ARHGAP35: variants seen among roughly 807,000 people sequenced by gnomAD.
The protein encoded by ARHGAP35 is Rho GTPase activating protein 35.
A neutral mutation model predicts 111.1 loss-of-function variants in ARHGAP35; 15 were observed. The observed-to-expected ratio is 0.13, with a 90% CI of 0.09 to 0.21. ARHGAP35 has a LOEUF of 0.21. Ranked by LOEUF, ARHGAP35 falls within the 10% of genes least tolerant of loss-of-function variation. The pLI is 1.00. For missense variants in ARHGAP35, 1,262 were observed against 1,873.0 expected, an observed-to-expected ratio of 0.67 and a Z score of 6.02; for synonymous variants, 643 against 710.3, an observed-to-expected ratio of 0.91 and a Z score of 1.51.
chr19:46,981,825 G>GTGTTTTGTTTTGTTTTGTTT (rs55887324), intron 3 of ARHGAP35, among the ~76,000 whole-genome samples: 2 of 147,294 alleles, frequency 1.4e-5, no homozygotes, highest in African/African-American at 2.5e-5. Context: ...GTATTTTTTG[G>GTGTTTTGTTTTGTTTTGTTT]TGTTTTGTTT....
At chr19:46,951,596 G>T (rs1393938489) in intron 3 of ARHGAP35, among the ~76,000 whole-genome samples, 1 of 152,096 alleles carries the variant, frequency 6.6e-6, no homozygotes, top group African/African-American at 2.4e-5. Context: ...GATAATGATG[G>T]TACTTTGAGT....
intron 3 of ARHGAP35, chr19:46,948,908 A>T (rs1037348829): frequency 6.6e-6 from 1 of 152,274 alleles, no homozygotes; most frequent in Non-Finnish European, 1.5e-5. Context: ...CTGTAATCCC[A>T]AAACTTTGGG....
intron 1 of ARHGAP35, among the ~76,000 whole-genome samples, chr19:46,875,783 G>C (rs1188397269): frequency 6.6e-6 from 1 of 152,126 alleles, no homozygotes; most frequent in African/African-American, 2.4e-5. Flanking sequence ...TGCAAAGGCG[G>C]CGTGATGAAA....
At chr19:46,876,114 T>G (rs1364218598) in intron 1 of ARHGAP35, among the ~76,000 whole-genome samples, 1 of 152,128 alleles carries the variant, frequency 6.6e-6, no homozygotes, top group African/African-American at 2.4e-5. Flanking sequence ...TATAGTAGTG[T>G]TTACTCATAG....
chr19:46,921,254 C>T lies in ARHGAP35; in HGVS notation c.2579C>T (p.Ser860Leu). 1.2e-6 allele frequency: 2 copies of T among 1,613,974 alleles called. No individual in the cohort carries two copies. The highest frequency in any genetic ancestry group is 1.7e-6 in the Non-Finnish European group (2 of 1,179,894). Residue 860 changes from serine to leucine, a missense_variant, in exon 2 of 7, where the codon TCA becomes TTA. By Grantham distance (145) the Ser-to-Leu change is moderately radical. Coordinates refer to ENST00000672722, the MANE Select transcript of ARHGAP35 (RefSeq NM_004491.5). The surrounding 1 kb of genome is among the most constrained non-coding windows in gnomAD (Gnocchi z 4.3). The stretch of plus-strand genomic sequence containing the variant: ...GTTCATGGGTACATTGTTTTTTATT[C>T]AGCCAAACGTAAGGCCTCTTTGGCT... ...RLVHGYIVFY[S>L]AKRKASLAML... is the part of the protein sequence containing the mutation.
At chr19:46,884,188 G>C (rs2055980518) in intron 1 of ARHGAP35, among the ~76,000 whole-genome samples, 1 of 152,122 alleles carries the variant, frequency 6.6e-6, no homozygotes, top group Non-Finnish European at 1.5e-5. Context: ...GCTCACATCT[G>C]TAATCCCAAC....
At chr19:46,968,639 C>T (rs572650878) in intron 3 of ARHGAP35, among the ~76,000 whole-genome samples, 18 of 152,220 alleles carry the variant, frequency 1.2e-4, no homozygotes, top group Non-Finnish European at 1.8e-4. Flanking sequence ...GAATATTATT[C>T]GGCCGTAAAA....
chr19:46,883,131 G>C lies in ARHGAP35; in HGVS notation c.-189+21922G>C, dbSNP rs1451761230. Reference sequence around the variant, plus strand: ...TTTTTTTGAAACAGAGTCTCGCTCTGTTGCCCAGGTTGGAGTGTAGTGGCA... The same window carrying C: ...TTTTTTTGAAACAGAGTCTCGCTCTCTTGCCCAGGTTGGAGTGTAGTGGCA... On this transcript the variant is annotated intron_variant, in intron 1 of 6. Transcript: ENST00000672722. Among the ~76,000 whole-genome samples the C allele has an allele frequency of 2.6e-5, 4 of 151,894 alleles. No individual in the cohort carries two copies. In the South Asian group the frequency reaches 6.2e-4, roughly 24 times the overall value.
chr19:46,964,331 G>C (rs556001031), intron 3 of ARHGAP35, among the ~76,000 whole-genome samples: 1 of 151,928 alleles, frequency 6.6e-6, no homozygotes, highest in East Asian at 1.9e-4. Flanking sequence ...GCAGTGGCGT[G>C]ATCATGGCTC....
chr19:46,999,885 C>T lies in ARHGAP35; in HGVS notation c.4143-446C>T, dbSNP rs573955595. ...TGTGCTGCAGGAGACAGCCAGCCTCCGGCATGGAGCACAGCCGCAGGCGGG... is the reference window on the plus strand; with the variant it reads ...TGTGCTGCAGGAGACAGCCAGCCTCTGGCATGGAGCACAGCCGCAGGCGGG... On this transcript the variant is annotated intron_variant, in intron 6 of 6. Coordinates refer to ENST00000672722, the MANE Select transcript of ARHGAP35 (RefSeq NM_004491.5). The surrounding 1 kb of genome is among the most constrained non-coding windows in gnomAD (Gnocchi z 5.4). 30 of 215,216 alleles carry T rather than the reference C, an allele frequency of 1.4e-4. No individual in the cohort carries two copies. The highest frequency in any genetic ancestry group is 4.1e-4 in the Admixed American group (8 of 19,322). 13.3% of individuals were successfully genotyped at this position (215,216 alleles called of 1,614,324 possible).
intron 3 of ARHGAP35, among the ~76,000 whole-genome samples, chr19:46,977,560 A>G (rs2122308431): frequency 1.3e-5 from 2 of 152,294 alleles, no homozygotes; most frequent in Admixed American, 1.3e-4. Flanking sequence ...GTTACTGTGC[A>G]AGCCCAATAC....
chr19:46,958,530 ATTT>A (rs1260197428), intron 3 of ARHGAP35, among the ~76,000 whole-genome samples: 1 of 152,190 alleles, frequency 6.6e-6, no homozygotes, highest in Non-Finnish European at 1.5e-5. Context: ...TTCCTTAAAT[ATTT>A]TATGTGTGGA....
In ARHGAP35 at chr19:46,899,247, C is replaced by T. The variant is rs78945781; in HGVS notation, c.-188-19241C>T. On this transcript the variant is annotated intron_variant, in intron 1 of 6. Coordinates refer to ENST00000672722, the MANE Select transcript of ARHGAP35 (RefSeq NM_004491.5). The stretch of plus-strand genomic sequence containing the variant: ...GTGGCATTCCAGATAAGGGGATAGC[C>T]AGAGTGGTGGTGTGGAGGCAGGAAT... Among the ~76,000 whole-genome samples the T allele has an allele frequency of 6.4e-3, 970 of 152,112 alleles. 9 individuals carry two copies. Among genetic ancestry groups the T allele is most frequent in the African/African-American group, 0.022 (924 of 41,464 alleles).
Position 47,003,574 on chromosome 19 carries a change from A to G in ARHGAP35, c.*2886A>G, listed in dbSNP as rs1397289721. The stretch of plus-strand genomic sequence containing the variant: ...TCGCATACTGGGTGTCACGGCACAC[A>G]TTTACTCTGCATTGTCCCCGTCTTT... On this transcript the variant is annotated 3_prime_UTR_variant, in exon 7 of 7. Transcript: ENST00000672722. The G allele has an allele frequency of 6.6e-6, 1 of 152,176 alleles. No individual in the cohort carries two copies. Among genetic ancestry groups the G allele is most frequent in the African/African-American group, 2.4e-5 (1 of 41,418 alleles). The allele number at this position is 152,176 out of a possible 1,614,324, so 9.4% of individuals were successfully genotyped here. A position where few individuals can be genotyped will look rare whatever the true frequency, so the allele number is the denominator to read the frequency against.
chr19:46,882,815 C>T lies in ARHGAP35; in HGVS notation c.-189+21606C>T, dbSNP rs896057432. ...ATGGCTTCCAGCTTCATCCATGTCCCTGCAAAGGACATGAACTCACTCTTT... is the reference window on the plus strand; with the variant it reads ...ATGGCTTCCAGCTTCATCCATGTCCTTGCAAAGGACATGAACTCACTCTTT... On this transcript the variant is annotated intron_variant, in intron 1 of 6. Transcript: ENST00000672722. Among the ~76,000 whole-genome samples the T allele has an allele frequency of 1.4e-4, 21 of 152,290 alleles. No individual in the cohort carries two copies. The East Asian group carries it at 3.9e-3, about 28-fold the overall frequency.
At chr19:46,982,833 C>T (rs868162481) in intron 3 of ARHGAP35, among the ~76,000 whole-genome samples, 2 of 151,358 alleles carry the variant, frequency 1.3e-5, no homozygotes, top group Non-Finnish European at 1.5e-5. Flanking sequence ...TCGCTGGAGC[C>T]CAGGAGTTTG....
In ARHGAP35 at chr19:46,919,714, G is replaced by A; in HGVS notation, c.1039G>A (p.Ala347Thr). ...RKLYLAALPL[A>T]FEALIPNLDE... ...GCTGTACCTGGCAGCCCTGCCATTAGCTTTTGAAGCTCTTATACCTAATCT... is the reference window on the plus strand; with the variant it reads ...GCTGTACCTGGCAGCCCTGCCATTAACTTTTGAAGCTCTTATACCTAATCT... Residue 347 changes from alanine to threonine, a missense_variant, in exon 2 of 7, where the codon GCT becomes ACT. Ala to Thr is a moderately conservative substitution (Grantham distance 58). Coordinates refer to ENST00000672722, the MANE Select transcript of ARHGAP35 (RefSeq NM_004491.5). This position sits in a 1 kb window ranked among gnomAD's most constrained non-coding sequence, Gnocchi z 6.2. 3 of 1,614,002 alleles carry A rather than the reference G, an allele frequency of 1.9e-6. No individual in the cohort carries two copies. The highest frequency in any genetic ancestry group is 2.2e-5 in the South Asian group (2 of 91,086).
intron 1 of ARHGAP35, among the ~76,000 whole-genome samples, chr19:46,894,092 C>T (rs1303282352): frequency 6.6e-6 from 1 of 152,048 alleles, no homozygotes; most frequent in East Asian, 1.9e-4. Context: ...ACAACTCTCT[C>T]CCTTGTCCTT....
rs1010145734 is a variant in ARHGAP35, at chr19:46,861,092, G to A, written c.-306G>A. Among the ~76,000 whole-genome samples the A allele has an allele frequency of 6.6e-6, 1 of 151,022 alleles. No homozygotes were observed. The highest frequency in any genetic ancestry group is 2.0e-4 in the East Asian group (1 of 5,098). On this transcript the variant is annotated 5_prime_UTR_variant, in exon 1 of 7. Transcript: ENST00000672722. ...GGGTCCGCCCGGCCCCCCGCCGCCG[G>A]AGCCGCCGCCGCCGCCTCAGCCGCC...
Sources: gnomAD v4.1 joint callset for allele counts (sites outside exome capture counted in the v4.1 genomes callset) on GRCh38, gnomAD v4.1.1 for gene constraint, Gnocchi (gnomAD v3.1) non-coding constraint, MANE v1.5 for transcripts, NCBI Gene and HGNC (gene_info 2026-07-23, HGNC 2026-07-21) for gene names.